LRRC37A2: variants seen among roughly 807,000 people sequenced by gnomAD.
The protein encoded by LRRC37A2 is leucine rich repeat containing 37 member A2, also known as leucine-rich repeat-containing protein 37A2.
LRRC37A2 carries 9 observed loss-of-function variants against 68.8 expected under a neutral mutation model. The observed-to-expected ratio is 0.13, with a 90% CI of 0.08 to 0.23. The LOEUF is 0.23. Ranked by LOEUF, LRRC37A2 falls within the 10% of genes least tolerant of loss-of-function variation. The pLI is 1.00. For missense variants in LRRC37A2, 168 were observed against 950.4 expected (o/e 0.18, Z 10.82); for synonymous variants, 63 against 367.6 (o/e 0.17, Z 9.48).
the LRRC37A2 span, among the ~76,000 whole-genome samples, chr17:46,753,368 C>T: frequency 5.4e-4 from 83 of 152,294 alleles, no homozygotes; most frequent in African/African-American, 1.9e-3. Context: ...GTAAATTTAT[C>T]TGAAAATAAA....
chr17:46,988,082 C>T, the LRRC37A2 span, among the ~76,000 whole-genome samples: 1 of 152,086 alleles, frequency 6.6e-6, no homozygotes, highest in African/African-American at 2.4e-5. Flanking sequence ...TGAGGTAGGA[C>T]AATCGCTTGA....
At chr17:46,726,606 A>C in the LRRC37A2 span, 53 of 1,613,748 alleles carry the variant, frequency 3.3e-5, no homozygotes, top group Non-Finnish European at 3.9e-5. Flanking sequence ...TGACATTGAG[A>C]GATTGCTTGG....
chr17:46,890,055 G>C, the LRRC37A2 span, among the ~76,000 whole-genome samples: 15 of 152,086 alleles, frequency 9.9e-5, no homozygotes, highest in Non-Finnish European at 2.2e-4. Flanking sequence ...ATTTCAGCCC[G>C]GCCTGCATCT....
At chr17:46,751,177 A>G in the LRRC37A2 span, among the ~76,000 whole-genome samples, 1 of 152,216 alleles carries the variant, frequency 6.6e-6, no homozygotes, top group African/African-American at 2.4e-5. Context: ...GTTTGCTTTG[A>G]CACATACAGA....
At chr17:46,543,679 G>A (rs1374554118) in intron 8 of LRRC37A2, among the ~76,000 whole-genome samples, 9 of 151,018 alleles carry the variant, frequency 6.0e-5, no homozygotes, top group South Asian at 4.1e-4. Context: ...ATACACACAC[G>A]GAAAGCTAAT....
At chr17:46,917,897 C>T in the LRRC37A2 span, among the ~76,000 whole-genome samples, 1 of 152,178 alleles carries the variant, frequency 6.6e-6, no homozygotes, top group African/African-American at 2.4e-5. Flanking sequence ...TTGACAATAA[C>T]ATAAAGAGAT....
At chr17:46,883,342 T>G in the LRRC37A2 span, among the ~76,000 whole-genome samples, 5 of 149,068 alleles carry the variant, frequency 3.4e-5, no homozygotes, top group South Asian at 1.1e-3. Flanking sequence ...TGGAGTGCAA[T>G]GGCGCAATCT....
chr17:46,875,484 T>C, the LRRC37A2 span: 11 of 1,354,318 alleles, frequency 8.1e-6, no homozygotes, highest in African/African-American at 1.5e-5. Context: ...GTGAACTTCA[T>C]AAAGGCAGGA....
the LRRC37A2 span, among the ~76,000 whole-genome samples, chr17:46,961,648 G>A: frequency 6.6e-6 from 1 of 152,102 alleles, no homozygotes; most frequent in African/African-American, 2.4e-5. Context: ...AAATACGTCT[G>A]TAAAAAGATT....
the LRRC37A2 span, among the ~76,000 whole-genome samples, chr17:46,804,554 T>C: frequency 5.3e-5 from 8 of 152,264 alleles, no homozygotes; most frequent in South Asian, 1.2e-3. Flanking sequence ...TTTCCCTGAT[T>C]TAAAGGCAAT....
the LRRC37A2 span, chr17:46,773,874 C>T: frequency 3.1e-6 from 5 of 1,612,430 alleles, no homozygotes; most frequent in Admixed American, 3.3e-5. Context: ...GGGCTGTGAG[C>T]CCAGAGATGT....
chr17:46,900,202 T>TATATACATACATATATATATACAC, the LRRC37A2 span, among the ~76,000 whole-genome samples: 1 of 101,172 alleles, frequency 9.9e-6, no homozygotes, highest in African/African-American at 5.1e-5. Context: ...TATATATATA[T>TATATACATACATATATATATACAC]ACACACACAC....
the LRRC37A2 span, among the ~76,000 whole-genome samples, chr17:46,950,987 C>T: frequency 6.6e-6 from 1 of 152,222 alleles, no homozygotes; most frequent in Non-Finnish European, 1.5e-5. Flanking sequence ...CACCATGCCA[C>T]GCTGTCCTAA....
chr17:46,745,812 A>T, the LRRC37A2 span, among the ~76,000 whole-genome samples: 2 of 152,248 alleles, frequency 1.3e-5, no homozygotes, highest in Non-Finnish European at 2.9e-5. Context: ...GTTAAAAAAT[A>T]CTTTAAATAT....
At chr17:46,870,330 T>G in the LRRC37A2 span, among the ~76,000 whole-genome samples, 18 of 152,206 alleles carry the variant, frequency 1.2e-4, no homozygotes, top group African/African-American at 3.9e-4. Flanking sequence ...AGGCGTGGCC[T>G]CCTCAGCTGG....
the LRRC37A2 span, among the ~76,000 whole-genome samples, chr17:46,853,808 G>C: frequency 6.6e-6 from 1 of 152,138 alleles, no homozygotes; most frequent in African/African-American, 2.4e-5. Flanking sequence ...TCATTTGTTT[G>C]CTTGGTTTTT....
the LRRC37A2 span, among the ~76,000 whole-genome samples, chr17:46,842,016 G>A: frequency 2.7e-4 from 41 of 152,296 alleles, no homozygotes; most frequent in East Asian, 1.4e-3. Flanking sequence ...GGCTGGCCGC[G>A]GTGGCGCCCT....
the LRRC37A2 span, among the ~76,000 whole-genome samples, chr17:46,982,969 G>A: frequency 6.6e-6 from 1 of 152,148 alleles, no homozygotes; most frequent in African/African-American, 2.4e-5. Flanking sequence ...ATTAGAAGAG[G>A]GGCATCCTAA....
At chr17:46,750,468 T>A in the LRRC37A2 span, among the ~76,000 whole-genome samples, 1 of 152,246 alleles carries the variant, frequency 6.6e-6, no homozygotes, top group Non-Finnish European at 1.5e-5. Flanking sequence ...AATGCTTCAG[T>A]GAGCATTTCC....
Sources: gnomAD v4.1 joint callset for allele counts (sites outside exome capture counted in the v4.1 genomes callset) on GRCh38, gnomAD v4.1.1 for gene constraint, MANE v1.5 for transcripts, NCBI Gene and HGNC (gene_info 2026-07-23, HGNC 2026-07-21) for gene names.